TFEC: variants seen among roughly 807,000 people sequenced by gnomAD.
The protein encoded by TFEC is class E basic helix-loop-helix protein 34.
Under a neutral mutation model 41.6 loss-of-function variants are expected in TFEC, and 31 were observed. The ratio of observed to expected loss-of-function variants is 0.74; its 90% CI spans 0.56 to 1.01. TFEC has a LOEUF of 1.01. TFEC is among the 50% of genes least tolerant of loss of function. The probability of loss-of-function intolerance (pLI) is 0.00; values close to 1 mark genes in which losing one functional copy is unlikely to be tolerated. For synonymous variants in TFEC, 143 were observed against 140.6 expected (o/e 1.02, Z -0.12); for missense variants, 402 against 404.1 (o/e 0.99, Z 0.04).
At chr7:116,051,738 T>C (rs1445103186) in intron 3 of TFEC, among the ~76,000 whole-genome samples, 2 of 152,152 alleles carry the variant, frequency 1.3e-5, no homozygotes, top group Non-Finnish European at 1.5e-5. Flanking sequence ...ATAGTAAAAA[T>C]AGCTACAAAC....
intron 1 of TFEC, among the ~76,000 whole-genome samples, chr7:116,011,667 C>T (rs934864372): frequency 6.6e-6 from 1 of 152,032 alleles, no homozygotes; most frequent in Admixed American, 6.6e-5. Context: ...GTGGTTTTGA[C>T]ATTTGCCTCC....
chr7:116,059,714 AAC>A (rs1234273447), intron 3 of TFEC, among the ~76,000 whole-genome samples: 1 of 152,030 alleles, frequency 6.6e-6, no homozygotes, highest in Non-Finnish European at 1.5e-5. Flanking sequence ...TCACCATATT[AAC>A]AGACTTAAAA....
upstream of TFEC, among the ~76,000 whole-genome samples, chr7:116,035,068 C>A (rs545221793): frequency 1.3e-5 from 2 of 151,810 alleles, no homozygotes; most frequent in African/African-American, 2.4e-5. Flanking sequence ...GACAGCTTCA[C>A]GAAGACCAGG....
intron 6 of TFEC, among the ~76,000 whole-genome samples, chr7:115,945,400 G>C (rs377420817): frequency 2.0e-5 from 3 of 151,526 alleles, no homozygotes; most frequent in East Asian, 2.0e-4. Flanking sequence ...TTCTCAGGTA[G>C]AGTCATTTTA....
chr7:116,094,896 A>C (rs1349525440), intron 3 of TFEC, among the ~76,000 whole-genome samples: 1 of 152,192 alleles, frequency 6.6e-6, no homozygotes, highest in Non-Finnish European at 1.5e-5. Flanking sequence ...TGTAAATTGA[A>C]GTTAAATTGC....
intron 7 of TFEC, chr7:115,941,663 G>GTATATACA (rs765417654): frequency 3.9e-5 from 21 of 540,244 alleles, no homozygotes; most frequent in African/African-American, 1.9e-4. Context: ...ACATATATGT[G>GTATATACA]TATATACATA....
At chr7:116,038,485 T>C (rs1795961167) in intron 3 of TFEC, among the ~76,000 whole-genome samples, 2 of 152,144 alleles carry the variant, frequency 1.3e-5, no homozygotes, top group Middle Eastern at 3.4e-3. Context: ...TGGAAGATAA[T>C]GTATCCTGAA....
intron 3 of TFEC, among the ~76,000 whole-genome samples, chr7:115,964,018 G>A (rs953914671): frequency 1.5e-4 from 23 of 151,512 alleles, no homozygotes; most frequent in African/African-American, 4.6e-4. Flanking sequence ...TCAACATAGC[G>A]TTGTAAGTTT....
intron 1 of TFEC, among the ~76,000 whole-genome samples, chr7:116,020,408 C>T (rs73218451): frequency 8.3e-4 from 127 of 152,132 alleles, no homozygotes; most frequent in Non-Finnish European, 1.4e-3. Flanking sequence ...ACAAGATGAT[C>T]GCTGAAACAT....
chr7:115,946,642 T>A (rs972739113), intron 6 of TFEC, among the ~76,000 whole-genome samples: 4 of 136,070 alleles, frequency 2.9e-5, no homozygotes, highest in Non-Finnish European at 5.9e-5. Flanking sequence ...CTCTCTTTAT[T>A]TTCTTTTTCT....
At chr7:116,065,342 T>C (rs956747914) in intron 3 of TFEC, among the ~76,000 whole-genome samples, 18 of 152,132 alleles carry the variant, frequency 1.2e-4, no homozygotes, top group African/African-American at 4.3e-4. Context: ...CATTGAGCAG[T>C]AAAGGAAATT....
chr7:115,992,186 C>T (rs1327843887), intron 1 of TFEC, among the ~76,000 whole-genome samples: 1 of 152,200 alleles, frequency 6.6e-6, no homozygotes. Context: ...ATACCAGAAT[C>T]TCTGGGACAC....
At chr7:116,104,966 T>C (rs1344038871) in intron 3 of TFEC, among the ~76,000 whole-genome samples, 1 of 152,200 alleles carries the variant, frequency 6.6e-6, no homozygotes, top group Non-Finnish European at 1.5e-5. Flanking sequence ...ATTTTTTCAC[T>C]GCCTTCTCAT....
intron 2 of TFEC, among the ~76,000 whole-genome samples, chr7:115,977,746 T>C (rs998178389): frequency 7.2e-5 from 11 of 151,990 alleles, no homozygotes; most frequent in African/African-American, 1.9e-4. Context: ...TGTATTTCTA[T>C]AGATAAGTAC....
upstream of TFEC, among the ~76,000 whole-genome samples, chr7:116,031,762 C>G (rs1795789954): frequency 6.6e-6 from 1 of 152,058 alleles, no homozygotes; most frequent in African/African-American, 2.4e-5. Context: ...TCTGTAAGAA[C>G]TTCAAAGCTA....
intron 3 of TFEC, among the ~76,000 whole-genome samples, chr7:116,055,309 G>A (rs887019081): frequency 8.6e-5 from 13 of 152,020 alleles, no homozygotes; most frequent in African/African-American, 3.1e-4. Context: ...AACCAATACT[G>A]TAAAAAGATC....
intron 5 of TFEC, 60 bp from the exon 6 acceptor site, chr7:115,951,009 C>A: frequency 9.6e-7 from 1 of 1,046,750 alleles, no homozygotes; most frequent in Non-Finnish European, 1.4e-6. Flanking sequence ...TTTTGGTCAG[C>A]TGTAAACATT....
At chr7:116,013,678 T>C (rs1275932718) in intron 1 of TFEC, among the ~76,000 whole-genome samples, 1 of 152,174 alleles carries the variant, frequency 6.6e-6, no homozygotes, top group Non-Finnish European at 1.5e-5. Context: ...AACTGTAAGT[T>C]ACTTATTATC....
intron 3 of TFEC, among the ~76,000 whole-genome samples, chr7:116,077,460 C>T (rs1299181937): frequency 1.3e-5 from 2 of 152,028 alleles, no homozygotes; most frequent in African/African-American, 4.8e-5. Context: ...CCAAAGTGCT[C>T]CACTTAAAAA....
Sources: gnomAD v4.1 joint callset for allele counts (sites outside exome capture counted in the v4.1 genomes callset) on GRCh38, gnomAD v4.1.1 for gene constraint, MANE v1.5 for transcripts, NCBI Gene and HGNC (gene_info 2026-07-23, HGNC 2026-07-21) for gene names.